The following JAZF1 variants were observed in gnomAD, a reference collection of about 807,000 sequenced individuals.
JAZF1 encodes juxtaposed with another zinc finger protein 1.
JAZF1 carries 8 observed loss-of-function variants against 26.4 expected under a neutral mutation model. The observed-to-expected ratio is 0.30, with a 90% CI of 0.18 to 0.55. The LOEUF is 0.55. Among genes scored for constraint, JAZF1 ranks in the 20% least tolerant of loss-of-function variants. The pLI is 0.94. For synonymous variants in JAZF1, 126 were observed against 122.3 expected, an observed-to-expected ratio of 1.03 and a Z score of -0.20; for missense variants, 199 against 322.0, an observed-to-expected ratio of 0.62 and a Z score of 2.92.
chr7:27,832,965 G>A lies in JAZF1; in HGVS notation c.567C>T (p.Gly189=), dbSNP rs1252618571. ...GCKKRYKNVN[G]IKYHAKNGHR... ...GACCATTCTTAGCGTGATACTTTAT[G>A]CCATTCACATTCTGTGGAGAAGACA... Residue 189 remains glycine (G), a synonymous_variant, in exon 5 of 5, where the codon GGC becomes GGT. Coordinates refer to ENST00000283928, the MANE Select transcript of JAZF1 (RefSeq NM_175061.4). The A allele has an allele frequency of 8.8e-6, 14 of 1,585,568 alleles. No homozygotes were observed. Among genetic ancestry groups the A allele is most frequent in the African/African-American group, 1.4e-5 (1 of 73,802 alleles).
At chr7:27,894,387 T>C (rs1784024056) in intron 3 of JAZF1, among the ~76,000 whole-genome samples, 2 of 152,228 alleles carry the variant, frequency 1.3e-5, no homozygotes, top group Non-Finnish European at 2.9e-5. Context: ...TACTAATATT[T>C]TCTTTTAAAC....
intron 1 of JAZF1, among the ~76,000 whole-genome samples, chr7:28,142,162 T>G (rs1056040616): frequency 1.3e-5 from 2 of 152,216 alleles, no homozygotes; most frequent in East Asian, 3.8e-4. Context: ...AAACAGGACA[T>G]GAAAACAGAA....
chr7:28,067,145 A>C (rs1191470622), intron 1 of JAZF1, among the ~76,000 whole-genome samples: 2 of 152,200 alleles, frequency 1.3e-5, no homozygotes, highest in Non-Finnish European at 2.9e-5. Context: ...ACTCCAGATA[A>C]CTAAGTGAAA....
chr7:28,092,633 A>G (rs1292541946), intron 1 of JAZF1, among the ~76,000 whole-genome samples: 40 of 152,094 alleles, frequency 2.6e-4, no homozygotes, highest in Non-Finnish European at 8.8e-5. Context: ...GCTTGAGCCC[A>G]GGAGTTCAAG....
intron 2 of JAZF1, among the ~76,000 whole-genome samples, chr7:27,916,065 C>T (rs1051399433): frequency 5.9e-5 from 9 of 152,154 alleles, no homozygotes; most frequent in African/African-American, 2.2e-4. Flanking sequence ...TGGGAGGCCT[C>T]AGAGGGCCTT....
At chr7:27,888,493 A>G (rs1353013121) in intron 3 of JAZF1, among the ~76,000 whole-genome samples, 1 of 152,076 alleles carries the variant, frequency 6.6e-6, no homozygotes, top group Non-Finnish European at 1.5e-5. Context: ...GCTCACCTCA[A>G]CTCCATTCAG....
chr7:28,049,000 CCTT>C, intron 1 of JAZF1, among the ~76,000 whole-genome samples: 1 of 143,062 alleles, frequency 7.0e-6, no homozygotes, highest in Non-Finnish European at 1.5e-5. Flanking sequence ...TCCTTCCTTC[CCTT>C]CCTTCCTCCC....
At chr7:28,104,950 A>ATGAAACAAC (rs1784528218) in intron 1 of JAZF1, among the ~76,000 whole-genome samples, 1 of 152,194 alleles carries the variant, frequency 6.6e-6, no homozygotes, top group Admixed American at 6.5e-5. Context: ...CTTAGCCCTC[A>ATGAAACAAC]TGAAACAACC....
chr7:28,144,333 T>C (rs1490862441), intron 1 of JAZF1, among the ~76,000 whole-genome samples: 2 of 152,202 alleles, frequency 1.3e-5, no homozygotes, highest in Non-Finnish European at 2.9e-5. Context: ...CCACAAAGCT[T>C]TGCACATATT....
At chr7:27,872,804 G>GTTT (rs1783608715) in intron 3 of JAZF1, among the ~76,000 whole-genome samples, 1 of 151,856 alleles carries the variant, frequency 6.6e-6, no homozygotes, top group African/African-American at 2.4e-5. Flanking sequence ...AAAAAAGGTA[G>GTTT]TTTACTTGGG....
intron 1 of JAZF1, among the ~76,000 whole-genome samples, chr7:28,133,421 C>T (rs1782831076): frequency 6.6e-6 from 1 of 152,126 alleles, no homozygotes; most frequent in African/African-American, 2.4e-5. Context: ...AGATAAAGGT[C>T]TCTAGATGAA....
intron 1 of JAZF1, among the ~76,000 whole-genome samples, chr7:28,076,824 T>C (rs542286738): frequency 3.3e-5 from 5 of 152,042 alleles, no homozygotes; most frequent in Admixed American, 2.6e-4. Flanking sequence ...TTAATAAATG[T>C]ATAATAGGGA....
At chr7:28,082,699 C>G (rs957581001) in intron 1 of JAZF1, among the ~76,000 whole-genome samples, 1 of 152,170 alleles carries the variant, frequency 6.6e-6, no homozygotes, top group African/African-American at 2.4e-5. Flanking sequence ...TGGCCCCTCT[C>G]TGGAACCTTA....
chr7:27,995,353 T>C (rs1156481929), intron 1 of JAZF1, among the ~76,000 whole-genome samples: 1 of 152,198 alleles, frequency 6.6e-6, no homozygotes, highest in East Asian at 1.9e-4. Context: ...TAAGCATTTC[T>C]ATAACATTGC....
chr7:27,909,481 C>A (rs1456950001), intron 2 of JAZF1, among the ~76,000 whole-genome samples: 1 of 151,838 alleles, frequency 6.6e-6, no homozygotes, highest in African/African-American at 2.4e-5. Context: ...CCAAGGCGGG[C>A]GGATCACCTG....
At chr7:28,073,906 A>C (rs17156364) in intron 1 of JAZF1, among the ~76,000 whole-genome samples, 8,291 of 152,154 alleles carry the variant, frequency 0.054, 767 homozygotes, top group African/African-American at 0.19. Context: ...AAATTGCATA[A>C]GAAAAAAGAA....
At chr7:27,910,215 A>G (rs139290021) in intron 2 of JAZF1, among the ~76,000 whole-genome samples, 57 of 152,316 alleles carry the variant, frequency 3.7e-4, no homozygotes, top group African/African-American at 1.3e-3. Flanking sequence ...GAGGGAAAAA[A>G]GAATGACATA....
At chr7:27,833,786 A>G (rs1349701861) in intron 4 of JAZF1, among the ~76,000 whole-genome samples, 1 of 152,214 alleles carries the variant, frequency 6.6e-6, no homozygotes, top group African/African-American at 2.4e-5. Flanking sequence ...AGCATATTCT[A>G]TGTAAGATTC....
At chr7:27,923,880 G>C (rs1246585027) in intron 2 of JAZF1, among the ~76,000 whole-genome samples, 2 of 152,168 alleles carry the variant, frequency 1.3e-5, no homozygotes, top group Non-Finnish European at 2.9e-5. Context: ...CATCTGGCAG[G>C]GATGGGCTTG....
Sources: gnomAD v4.1 joint callset for allele counts (sites outside exome capture counted in the v4.1 genomes callset) on GRCh38, gnomAD v4.1.1 for gene constraint, MANE v1.5 for transcripts, NCBI Gene and HGNC (gene_info 2026-07-23, HGNC 2026-07-21) for gene names.